IGF2: variants seen among roughly 807,000 people sequenced by gnomAD.
IGF2 encodes the protein insulin like growth factor 2, also known as insulin-like growth factor 2.
A neutral mutation model predicts 12.0 loss-of-function variants in IGF2; 2 were observed. The observed-to-expected ratio is 0.17, with a 90% CI of 0.07 to 0.52. IGF2 has a LOEUF of 0.52. Ranked by LOEUF, IGF2 falls within the 20% of genes least tolerant of loss-of-function variation. The pLI is 0.95. For missense variants in IGF2, 211 were observed against 268.0 expected (o/e 0.79, Z 1.48); for synonymous variants, 105 against 110.1 (o/e 0.95, Z 0.29).
chr11:2,143,246 A>T (rs900421593), upstream of IGF2, among the ~76,000 whole-genome samples: 8 of 150,380 alleles, frequency 5.3e-5, no homozygotes, highest in Non-Finnish European at 1.2e-4. Flanking sequence ...GTCATGAGGG[A>T]CTTGGGATTC....
Position 2,133,267 on chromosome 11 carries a change from C to A in IGF2, c.307-44G>T, listed in dbSNP as rs753206594. On this transcript the variant is annotated intron_variant, in intron 3 of 3. Transcript: ENST00000416167. This position sits in a 1 kb window ranked among gnomAD's most constrained non-coding sequence, Gnocchi z 8.9. ...GGTCAGCAGGTGCCTGCTCTCCACG[C>A]TCTTCCGCCTGAGCCGCCCGCCTGA... 2 of 1,357,216 alleles carry A rather than the reference C, an allele frequency of 1.5e-6. No homozygotes were observed. The highest frequency in any genetic ancestry group is 4.8e-5 in the East Asian group (2 of 42,102). The allele number at this position is 1,357,216 out of a possible 1,614,324, so 84.1% of individuals were successfully genotyped here. A position where few individuals can be genotyped will look rare whatever the true frequency, so the allele number is the denominator to read the frequency against.
upstream of IGF2, chr11:2,139,518 C>G (rs1162589796): frequency 6.8e-6 from 1 of 146,396 alleles, no homozygotes; most frequent in Non-Finnish European, 1.5e-5. Flanking sequence ...CCCCGGCCCG[C>G]CCCCGCAACC....
At chr11:2,143,934 G>T (rs1359858859), upstream of IGF2, among the ~76,000 whole-genome samples, 1 of 152,228 alleles carries the variant, frequency 6.6e-6, no homozygotes, top group Non-Finnish European at 1.5e-5. Context: ...CGCTGCCGGG[G>T]ATTCACCTTG....
At chr11:2,148,899 G>A in the IGF2 span, 1 of 580,802 alleles carries the variant, frequency 1.7e-6, no homozygotes, top group Non-Finnish European at 3.1e-6. The surrounding 1 kb of genome is among the most constrained non-coding windows in gnomAD (Gnocchi z 4.3). Flanking sequence ...CAGTGGCTTT[G>A]TGCAGCCCTA....
At chr11:2,142,603 A>G (rs1859668858), upstream of IGF2, among the ~76,000 whole-genome samples, 2 of 152,278 alleles carry the variant, frequency 1.3e-5, no homozygotes, top group South Asian at 4.1e-4. This position sits in a 1 kb window ranked among gnomAD's most constrained non-coding sequence, Gnocchi z 5.7. Context: ...AGTATGGGGG[A>G]CCAGGAAAAG....
In IGF2 at chr11:2,132,818, G is replaced by A. The variant is rs537604316; in HGVS notation, c.*169C>T. 42 of 579,114 alleles carry A rather than the reference G, an allele frequency of 7.3e-5. No individual in the cohort carries two copies. The highest frequency in any genetic ancestry group is 7.2e-4 in the African/African-American group (38 of 52,640). The allele number at this position is 579,114 out of a possible 1,614,324, so 35.9% of individuals were successfully genotyped here. On this transcript the variant is annotated 3_prime_UTR_variant, in exon 4 of 4. Transcript: ENST00000416167. Reference sequence around the variant, plus strand: ...CTTCCTCAGCCCGATGGAGGGGGCCGAGGAGAGTAGCCTGTTTCGGGGAGG... The same window carrying A: ...CTTCCTCAGCCCGATGGAGGGGGCCAAGGAGAGTAGCCTGTTTCGGGGAGG...
Position 2,138,444 on chromosome 11 carries a change from TG to T in IGF2, c.-223del. 3 of 801,068 alleles carry T rather than the reference TG, an allele frequency of 3.7e-6. No individual in the cohort carries two copies. Among genetic ancestry groups the T allele is most frequent in the Non-Finnish European group, 4.4e-6 (3 of 686,278 alleles). 49.6% of individuals were successfully genotyped at this position (801,068 alleles called of 1,614,324 possible). A position where few individuals can be genotyped will look rare whatever the true frequency, so the allele number is the denominator to read the frequency against. On this transcript the variant is annotated 5_prime_UTR_variant, in exon 1 of 4. Coordinates refer to ENST00000416167, the MANE Select transcript of IGF2 (RefSeq NM_000612.6). Reference sequence around the variant, plus strand: ...CAGGGAGGACGGGCTGTCTTCGGGCTGGGGCGGGCCAGATGTTGTACTTTTC... The same window carrying T: ...CAGGGAGGACGGGCTGTCTTCGGGCTGGGCGGGCCAGATGTTGTACTTTTC...
chr11:2,138,043 C>T (rs1049752983), intron 1 of IGF2, among the ~76,000 whole-genome samples, 186 bp downstream of exon 1: 2 of 152,056 alleles, frequency 1.3e-5, no homozygotes, highest in Non-Finnish European at 1.5e-5. Flanking sequence ...CGCGGGGCTC[C>T]GCGCAGGGAA....
chr11:2,146,768 A>C, the IGF2 span: 4 of 221,718 alleles, frequency 1.8e-5, no homozygotes, highest in South Asian at 5.6e-5. Context: ...AGGTACAGGG[A>C]CTCCAATCCA....
upstream of IGF2, among the ~76,000 whole-genome samples, chr11:2,142,376 AT>A (rs1859655049): frequency 6.6e-6 from 1 of 152,158 alleles, no homozygotes; most frequent in Non-Finnish European, 1.5e-5. This position sits in a 1 kb window ranked among gnomAD's most constrained non-coding sequence, Gnocchi z 5.7. Context: ...CCATATGTAC[AT>A]TTTAAAGAAA....
At chr11:2,136,463 C>T (rs1418063131) in intron 1 of IGF2, among the ~76,000 whole-genome samples, 1 of 152,246 alleles carries the variant, frequency 6.6e-6, no homozygotes, top group African/African-American at 2.4e-5. Flanking sequence ...AGGACACACC[C>T]CCTCCACAGG....
chr11:2,137,928 C>G (rs1488606786), intron 1 of IGF2, among the ~76,000 whole-genome samples: 1 of 152,204 alleles, frequency 6.6e-6, no homozygotes, highest in Admixed American at 6.5e-5. Context: ...GCGGCACCCC[C>G]TGCACCCACA....
At chr11:2,143,965 C>T (rs930421475), upstream of IGF2, among the ~76,000 whole-genome samples, 4 of 152,346 alleles carry the variant, frequency 2.6e-5, no homozygotes, top group Middle Eastern at 3.4e-3. Context: ...GCGCGGAGCA[C>T]TGGCGCCCTC....
the IGF2 span, chr11:2,148,913 G>A: frequency 0.35 from 209,424 of 594,250 alleles, 37,969 homozygotes; most frequent in African/African-American, 0.41. The surrounding 1 kb of genome is among the most constrained non-coding windows in gnomAD (Gnocchi z 4.3). Context: ...AGCCCTAAAG[G>A]AGAACCCTCT....
chr11:2,145,488 G>C (rs1199003388), upstream of IGF2, among the ~76,000 whole-genome samples: 17 of 152,236 alleles, frequency 1.1e-4, no homozygotes, highest in Admixed American at 1.1e-3. Context: ...CCAGTTCCGA[G>C]TTGTGGGTTC....
rs369122420 is a variant in IGF2, at chr11:2,133,518, G to A, written c.305C>T (p.Pro102Leu). The change falls in exon 3 of 4, where the codon CCG becomes CTG. Residue 102 changes from proline to leucine, a missense_variant and splice_region_variant. Coordinates refer to ENST00000416167, the MANE Select transcript of IGF2 (RefSeq NM_000612.6). This position sits in a 1 kb window ranked among gnomAD's most constrained non-coding sequence, Gnocchi z 8.9. ...GGGAAAGGGGCCCAGGACCCTCACC[G>A]GAAGCACGGTCGGAGGGGTCGACAC... ...RDVSTPPTVL[P>L]DNFPRYPVGK... 2.1e-5 allele frequency: 34 copies of A among 1,610,316 alleles called. 1 individual carries two copies. The highest frequency in any genetic ancestry group is 1.2e-4 in the South Asian group (11 of 90,682).
At chr11:2,149,471 C>T in the IGF2 span, 1 of 781,394 alleles carries the variant, frequency 1.3e-6, no homozygotes, top group Non-Finnish European at 2.1e-6. Flanking sequence ...TTACCCCTCA[C>T]CTCCTCATCC....
At chr11:2,140,054 C>A, upstream of IGF2, 1 of 1,395,782 alleles carries the variant, frequency 7.2e-7, no homozygotes, top group Non-Finnish European at 9.6e-7. Flanking sequence ...CGGGCCGAAT[C>A]TGGGCCAGGC....
upstream of IGF2, among the ~76,000 whole-genome samples, chr11:2,139,858 C>T (rs1859432142): frequency 6.6e-6 from 1 of 151,924 alleles, no homozygotes; most frequent in Non-Finnish European, 1.5e-5. Context: ...TCGGGGGGTC[C>T]TTGCTGGTTG....
Sources: gnomAD v4.1 joint callset for allele counts (sites outside exome capture counted in the v4.1 genomes callset) on GRCh38, gnomAD v4.1.1 for gene constraint, Gnocchi (gnomAD v3.1) non-coding constraint, MANE v1.5 for transcripts, NCBI Gene and HGNC (gene_info 2026-07-23, HGNC 2026-07-21) for gene names.